The following PKNOX2 variants were observed in gnomAD, a reference collection of about 807,000 sequenced individuals.
The protein encoded by PKNOX2 is PBX/knotted 1 homeobox 2.
A neutral mutation model predicts 53.1 loss-of-function variants in PKNOX2; 14 were observed. The observed-to-expected ratio is 0.26, with a 90% CI of 0.17 to 0.41. The LOEUF (loss-of-function observed/expected upper bound fraction) is 0.41. Among genes scored for constraint, PKNOX2 ranks in the 10% least tolerant of loss-of-function variants. PKNOX2 has a pLI of 1.00. For missense variants in PKNOX2, 496 were observed against 602.8 expected, an observed-to-expected ratio of 0.82 and a Z score of 1.85; for synonymous variants, 257 against 242.8, an observed-to-expected ratio of 1.06 and a Z score of -0.54.
In PKNOX2 at chr11:125,399,934, C is replaced by T. The variant is rs1044814889; in HGVS notation, c.588+1872C>T. Among the ~76,000 whole-genome samples, 34 of 152,208 alleles carry T rather than the reference C, an allele frequency of 2.2e-4. 1 individual carries two copies. The highest frequency in any genetic ancestry group is 5.5e-4 in the African/African-American group (23 of 41,462). ...AAGTGGGGTTTGCAGAAAAGGATAA[C>T]GCGGACTCTGGATGGTTAAGTTCTC... On this transcript the variant is annotated intron_variant, in intron 7 of 12. Coordinates refer to ENST00000298282, the MANE Select transcript of PKNOX2 (RefSeq NM_001382323.2).
chr11:125,275,202 G>T (rs1042180395), intron 2 of PKNOX2, among the ~76,000 whole-genome samples: 3 of 152,200 alleles, frequency 2.0e-5, no homozygotes, highest in Non-Finnish European at 4.4e-5. Context: ...TGGGCTGGGT[G>T]TTGGGGAGGG....
At chr11:125,190,687 C>T (rs1039547387) in intron 1 of PKNOX2, among the ~76,000 whole-genome samples, 3 of 152,136 alleles carry the variant, frequency 2.0e-5, no homozygotes, top group Non-Finnish European at 4.4e-5. Flanking sequence ...CATTTGCTCT[C>T]GAGGGTCCAC....
intron 2 of PKNOX2, among the ~76,000 whole-genome samples, chr11:125,327,254 A>G (rs2136090660): frequency 6.6e-6 from 1 of 152,328 alleles, no homozygotes; most frequent in South Asian, 2.1e-4. Context: ...ATCTGTGGGG[A>G]AGCCAGCCCA....
At chr11:125,365,826 G>GTT (rs1270625651) in intron 4 of PKNOX2, among the ~76,000 whole-genome samples, 1 of 152,174 alleles carries the variant, frequency 6.6e-6, no homozygotes, top group Non-Finnish European at 1.5e-5. Context: ...CTTACACCAT[G>GTT]TTTTCCTGAT....
chr11:125,305,233 G>GT (rs1320959719), intron 2 of PKNOX2, among the ~76,000 whole-genome samples: 1 of 152,196 alleles, frequency 6.6e-6, no homozygotes, highest in Non-Finnish European at 1.5e-5. Flanking sequence ...GCCTTTTACA[G>GT]TGGAGTCACA....
At chr11:125,321,674 G>A (rs1240040138) in intron 2 of PKNOX2, among the ~76,000 whole-genome samples, 1 of 152,218 alleles carries the variant, frequency 6.6e-6, no homozygotes. Flanking sequence ...ACAAATGGGC[G>A]TGGCTGTGTT....
intron 1 of PKNOX2, among the ~76,000 whole-genome samples, chr11:125,192,799 C>A (rs2135356006): frequency 6.6e-6 from 1 of 152,312 alleles, no homozygotes; most frequent in Admixed American, 6.5e-5. Flanking sequence ...GGGTGGCACA[C>A]AGGAAATCAC....
intron 1 of PKNOX2, among the ~76,000 whole-genome samples, chr11:125,215,345 T>C (rs1184042042): frequency 1.3e-5 from 2 of 152,098 alleles, no homozygotes; most frequent in African/African-American, 4.8e-5. Context: ...CACAGTTCCG[T>C]GACTCAGGCC....
chr11:125,341,959 C>G (rs547683935), intron 3 of PKNOX2, among the ~76,000 whole-genome samples: 1 of 152,348 alleles, frequency 6.6e-6, no homozygotes, highest in Admixed American at 6.5e-5. Flanking sequence ...GTGGGGCAGC[C>G]TGGCTGGGCA....
At chr11:125,374,276 G>A (rs1354766088) in intron 5 of PKNOX2, among the ~76,000 whole-genome samples, 2 of 152,058 alleles carry the variant, frequency 1.3e-5, no homozygotes, top group East Asian at 1.9e-4. Flanking sequence ...AGTTAGGACC[G>A]GATGCTTCGT....
chr11:125,417,723 C>A (rs1428518650), intron 10 of PKNOX2, among the ~76,000 whole-genome samples: 1 of 152,040 alleles, frequency 6.6e-6, no homozygotes, highest in Non-Finnish European at 1.5e-5. Flanking sequence ...GGCGTGGAGC[C>A]CCGTCCTGGG....
chr11:125,393,862 T>C (rs565611209), intron 6 of PKNOX2, among the ~76,000 whole-genome samples: 50 of 144,976 alleles, frequency 3.4e-4, no homozygotes, highest in African/African-American at 1.1e-3. Flanking sequence ...ACGCACCCTT[T>C]ATACTACCAC....
chr11:125,202,143 T>C (rs1327568678), intron 1 of PKNOX2, among the ~76,000 whole-genome samples: 1 of 152,222 alleles, frequency 6.6e-6, no homozygotes, highest in African/African-American at 2.4e-5. Context: ...GGAAAGTTCA[T>C]GTTATAAATA....
At position 125,278,046 on chromosome 11, in the gene PKNOX2, A is replaced by C. The variant is rs1034720219; in HGVS notation, c.-130+42931A>C. Among the ~76,000 whole-genome samples the C allele has an allele frequency of 3.3e-5, 5 of 151,898 alleles. No homozygotes were observed. The South Asian group carries it at 1.0e-3, about 32-fold the overall frequency. On this transcript the variant is annotated intron_variant, in intron 2 of 12. Coordinates refer to ENST00000298282, the MANE Select transcript of PKNOX2 (RefSeq NM_001382323.2). ...AGCCTGGGCAACATGGCAAAACCCC[A>C]TTTCTACAAAAATACAAAAAAAATT...
intron 5 of PKNOX2, among the ~76,000 whole-genome samples, chr11:125,377,986 T>C (rs1481408260): frequency 6.6e-6 from 1 of 152,178 alleles, no homozygotes; most frequent in Admixed American, 6.5e-5. Context: ...CATTTCACCA[T>C]CATCCAGGAG....
intron 1 of PKNOX2, among the ~76,000 whole-genome samples, chr11:125,183,605 G>T (rs1027788917): frequency 6.6e-6 from 1 of 151,982 alleles, no homozygotes; most frequent in South Asian, 2.1e-4. Context: ...CTAATGGAGG[G>T]TAAACTATGC....
At chr11:125,191,708 G>A (rs1956889613) in intron 1 of PKNOX2, among the ~76,000 whole-genome samples, 1 of 152,156 alleles carries the variant, frequency 6.6e-6, no homozygotes, top group South Asian at 2.1e-4. Flanking sequence ...CAGCTCAGGA[G>A]GGCTGGATGA....
chr11:125,349,183 G>T (rs1951158159), intron 3 of PKNOX2, among the ~76,000 whole-genome samples: 1 of 152,118 alleles, frequency 6.6e-6, no homozygotes, highest in African/African-American at 2.4e-5. Context: ...TATCTCAAAA[G>T]TCTTAATTCT....
chr11:125,183,394 T>C (rs1170841009), intron 1 of PKNOX2, among the ~76,000 whole-genome samples: 1 of 125,850 alleles, frequency 7.9e-6, no homozygotes, highest in African/African-American at 2.9e-5. Context: ...TTTTTTGTAT[T>C]TTTAGTAGAG....
Sources: allele counts gnomAD v4.1 joint callset (sites outside exome capture counted in the v4.1 genomes callset), GRCh38; gene constraint gnomAD v4.1.1; transcripts MANE v1.5; gene names NCBI Gene and HGNC (gene_info 2026-07-23, HGNC 2026-07-21).